Variants in PRKG1 observed in about 807,000 individuals in gnomAD.
The protein encoded by PRKG1 is protein kinase cGMP-dependent 1, also known as cGMP-dependent protein kinase 1.
PRKG1 carries 35 observed loss-of-function variants against 88.1 expected under a neutral mutation model. The ratio of observed to expected loss-of-function variants is 0.40; its 90% CI spans 0.30 to 0.53. PRKG1 has a LOEUF of 0.53. Among genes scored for constraint, PRKG1 ranks in the 20% least tolerant of loss-of-function variants. The pLI is 0.59. For synonymous variants in PRKG1, 303 were observed against 292.5 expected (o/e 1.04, Z -0.37); for missense variants, 540 against 839.8 (o/e 0.64, Z 4.41).
intron 4 of PRKG1, 143 bp downstream of exon 4, chr10:51,804,833 C>A (rs996814068): frequency 3.4e-6 from 2 of 587,824 alleles, no homozygotes; most frequent in African/African-American, 2.0e-5. Flanking sequence ...TGTAAGACTT[C>A]GAACATGCTT....
At position 52,219,819 on chromosome 10, in the gene PRKG1, G is replaced by A. The variant is rs181579735; in HGVS notation, c.1077-31751G>A. On this transcript the variant is annotated intron_variant, in intron 9 of 17. Coordinates refer to ENST00000373980, the MANE Select transcript of PRKG1 (RefSeq NM_006258.4). The stretch of plus-strand genomic sequence containing the variant: ...AATTATCCTGCCAAGAGCAAACTAT[G>A]CCATAGGCCTTTAAATATTGCAAAT... Among the ~76,000 whole-genome samples the A allele has an allele frequency of 1.6e-3, 248 of 152,208 alleles. 2 individuals are homozygous for A. The highest frequency in any genetic ancestry group is 5.8e-3 in the African/African-American group (241 of 41,540).
chr10:50,991,652 C>T lies in PRKG1; in HGVS notation c.266+8C>T, dbSNP rs780206964. 5 of 1,501,834 alleles carry T rather than the reference C, an allele frequency of 3.3e-6. No individual in the cohort carries two copies. The Admixed American group carries it at 8.5e-5, about 26-fold the overall frequency. 93.0% of individuals were successfully genotyped at this position (1,501,834 alleles called of 1,614,324 possible). A position where few individuals can be genotyped will look rare whatever the true frequency, so the allele number is the denominator to read the frequency against. On this transcript the variant is annotated splice_region_variant and intron_variant, in intron 1 of 17. Transcript: ENST00000401604. This position sits in a 1 kb window ranked among gnomAD's most constrained non-coding sequence, Gnocchi z 4.5. The stretch of plus-strand genomic sequence containing the variant: ...GTTCACCAAGTCCGAAAGGTAGGCG[C>T]GGAGGCCGTGGGCCCGGGCGCTCGT...
At chr10:51,348,178 A>G (rs1426201046) in intron 2 of PRKG1, among the ~76,000 whole-genome samples, 1 of 152,182 alleles carries the variant, frequency 6.6e-6, no homozygotes, top group Non-Finnish European at 1.5e-5. Flanking sequence ...ACATTGGAAT[A>G]AAATACTTAC....
chr10:52,298,015 T>C lies in PRKG1; in HGVS notation c.*4115T>C, dbSNP rs1484848438. The C allele has an allele frequency of 6.6e-6, 1 of 152,170 alleles. No homozygotes were observed. Among genetic ancestry groups the C allele is most frequent in the East Asian group, 1.9e-4 (1 of 5,206 alleles). The allele number at this position is 152,170 out of a possible 1,614,324, so 9.4% of individuals were successfully genotyped here. ...TTGGCAATGACTCAGAGGTTGGGGCTTTCTGAGTAAAGGGACATTTCTTTA... is the reference window on the plus strand; with the variant it reads ...TTGGCAATGACTCAGAGGTTGGGGCCTTCTGAGTAAAGGGACATTTCTTTA... On this transcript the variant is annotated 3_prime_UTR_variant, in exon 18 of 18. Transcript: ENST00000373980.
In PRKG1 at chr10:52,238,655, A is replaced by T. The variant is rs1355723555; in HGVS notation, c.1077-12915A>T. ...CACACCAGTTAGAATGGCAATCATT[A>T]AAAAGTCAGGAAACAACAGGTGCTG... On this transcript the variant is annotated intron_variant, in intron 9 of 17. Transcript: ENST00000373980. Among the ~76,000 whole-genome samples the T allele has an allele frequency of 3.9e-4, 58 of 149,496 alleles. 4 individuals carry two copies. Among genetic ancestry groups the T allele is most frequent in the Middle Eastern group, 6.8e-3 (2 of 294 alleles).
At chr10:51,698,015 C>A (rs1841348965) in intron 3 of PRKG1, 1 of 1,613,694 alleles carries the variant, frequency 6.2e-7, no homozygotes, top group African/African-American at 1.3e-5. Flanking sequence ...TCCTTGTATG[C>A]CTGTACCCTG....
chr10:51,098,141 G>A (rs1373470058), intron 1 of PRKG1, among the ~76,000 whole-genome samples: 1 of 152,028 alleles, frequency 6.6e-6, no homozygotes, highest in East Asian at 1.9e-4. Flanking sequence ...CTGAGAGATT[G>A]TTAGGAGAGA....
chr10:52,279,682 A>C (rs899600039), intron 12 of PRKG1, among the ~76,000 whole-genome samples: 2 of 152,146 alleles, frequency 1.3e-5, no homozygotes, highest in African/African-American at 2.4e-5. Context: ...ACCAAAATGC[A>C]AACAGGCATC....
chr10:51,377,403 A>G (rs1213393917), intron 2 of PRKG1, among the ~76,000 whole-genome samples: 1 of 152,222 alleles, frequency 6.6e-6, no homozygotes, highest in Non-Finnish European at 1.5e-5. Context: ...CTATCATATT[A>G]TGTGTTCATA....
At chr10:51,811,850 G>A (rs1215173104) in intron 4 of PRKG1, among the ~76,000 whole-genome samples, 2 of 152,072 alleles carry the variant, frequency 1.3e-5, no homozygotes, top group Non-Finnish European at 2.9e-5. Context: ...TTTGGAATGG[G>A]GCCAGAAAAT....
At chr10:51,272,355 G>A (rs1007655318) in intron 2 of PRKG1, among the ~76,000 whole-genome samples, 2 of 146,020 alleles carry the variant, frequency 1.4e-5, no homozygotes, top group Admixed American at 6.7e-5. Context: ...TGGGCTTATC[G>A]TGGGGTGGGG....
chr10:51,395,767 G>A (rs1442944174), intron 2 of PRKG1, among the ~76,000 whole-genome samples: 2 of 152,190 alleles, frequency 1.3e-5, no homozygotes, highest in East Asian at 3.8e-4. Context: ...TTTGAGATGT[G>A]AGTGAAGGTA....
chr10:51,538,253 T>C (rs1489891417), intron 3 of PRKG1, among the ~76,000 whole-genome samples: 1 of 151,916 alleles, frequency 6.6e-6, no homozygotes, highest in East Asian at 1.9e-4. Flanking sequence ...ATTTTTGATG[T>C]TCAGTACAAA....
chr10:51,047,400 C>T (rs1286753852), intron 1 of PRKG1, among the ~76,000 whole-genome samples: 1 of 152,080 alleles, frequency 6.6e-6, no homozygotes, highest in Non-Finnish European at 1.5e-5. Context: ...TGTTGCCTGT[C>T]ATATCATGTG....
At chr10:51,715,215 C>T (rs1035878639) in intron 3 of PRKG1, among the ~76,000 whole-genome samples, 6 of 152,202 alleles carry the variant, frequency 3.9e-5, no homozygotes, top group African/African-American at 1.4e-4. Context: ...CATCACCTCA[C>T]TCCACAAAAG....
At chr10:51,201,401 G>T in intron 2 of PRKG1, among the ~76,000 whole-genome samples, 1 of 152,144 alleles carries the variant, frequency 6.6e-6, no homozygotes, top group Non-Finnish European at 1.5e-5. Context: ...GCAGTGAGCC[G>T]AGATTGTGCC....
intron 3 of PRKG1, among the ~76,000 whole-genome samples, chr10:51,701,165 A>T (rs1376209768): frequency 6.6e-6 from 1 of 152,226 alleles, no homozygotes; most frequent in Non-Finnish European, 1.5e-5. Flanking sequence ...TAGAAAATTT[A>T]AAATTATATG....
At chr10:51,103,988 T>A (rs1384210488) in intron 1 of PRKG1, among the ~76,000 whole-genome samples, 1 of 152,154 alleles carries the variant, frequency 6.6e-6, no homozygotes, top group Non-Finnish European at 1.5e-5. Flanking sequence ...CATAACAATG[T>A]GAGCATTCAG....
At chr10:51,876,219 G>T (rs1315228840) in intron 4 of PRKG1, among the ~76,000 whole-genome samples, 1 of 136,282 alleles carries the variant, frequency 7.3e-6, no homozygotes, top group Non-Finnish European at 1.6e-5. Context: ...ATGTATATTT[G>T]TGTTACACAC....
Sources: gnomAD v4.1 joint callset for allele counts (sites outside exome capture counted in the v4.1 genomes callset) on GRCh38, gnomAD v4.1.1 for gene constraint, Gnocchi (gnomAD v3.1) non-coding constraint, MANE v1.5 for transcripts, NCBI Gene and HGNC (gene_info 2026-07-23, HGNC 2026-07-21) for gene names.